Variants in HSH2D observed in about 807,000 individuals in gnomAD.
HSH2D encodes the protein hematopoietic SH2 domain containing.
Under a neutral mutation model 21.5 loss-of-function variants are expected in HSH2D, and 16 were observed. The observed-to-expected ratio is 0.74, with a 90% CI of 0.50 to 1.13. The LOEUF (loss-of-function observed/expected upper bound fraction) is 1.13, where lower values mean the gene tolerates loss of function less well. Among genes scored for constraint, HSH2D ranks in the 50% most tolerant of loss-of-function variants. The probability of loss-of-function intolerance (pLI) is 0.00; values close to 1 mark genes in which losing one functional copy is unlikely to be tolerated. For synonymous variants in HSH2D, 172 were observed against 184.7 expected, an observed-to-expected ratio of 0.93 and a Z score of 0.56; for missense variants, 418 against 441.4, an observed-to-expected ratio of 0.95 and a Z score of 0.47.
In HSH2D at chr19:16,148,837, C is replaced by T. The variant is rs970379350; in HGVS notation, c.87C>T (p.Asp29=). The T allele has an allele frequency of 8.2e-5, 133 of 1,613,452 alleles. No homozygotes were observed. Among genetic ancestry groups the T allele is most frequent in the Non-Finnish European group, 1.1e-4 (124 of 1,179,714 alleles). ...CCCAGATGGGCCAGCTGGCCCAAGACGGGGTCCCCGAGTGGTTCCATGGTG... is the reference window on the plus strand; with the variant it reads ...CCCAGATGGGCCAGCTGGCCCAAGATGGGGTCCCCGAGTGGTTCCATGGTG... ...VHTQMGQLAQ[D]GVPEWFHGAI... is the part of the protein sequence containing the mutation. Residue 29 remains aspartate, a synonymous_variant, in exon 2 of 6, where the codon GAC becomes GAT. Coordinates refer to ENST00000613986, the MANE Select transcript of HSH2D (RefSeq NM_001382417.1).
chr19:16,151,033 T>C (rs1209605256), intron 2 of HSH2D, among the ~76,000 whole-genome samples: 3 of 151,870 alleles, frequency 2.0e-5, no homozygotes, highest in East Asian at 1.9e-4. Flanking sequence ...GGTAATAATA[T>C]AGAAAATAGA....
chr19:16,153,250 G>A (rs191375374), intron 4 of HSH2D, 42 bp downstream of exon 4: 2 of 1,460,344 alleles, frequency 1.4e-6, no homozygotes, highest in Non-Finnish European at 1.8e-6. Context: ...ATTTCCTTGG[G>A]GCCAAGCCCC....
chr19:16,144,438 G>GT (rs1292428956), intron 1 of HSH2D, among the ~76,000 whole-genome samples: 1 of 151,530 alleles, frequency 6.6e-6, no homozygotes, highest in African/African-American at 2.4e-5. Context: ...GCTCTTCCAA[G>GT]TAAAAAAAAA....
intron 1 of HSH2D, among the ~76,000 whole-genome samples, chr19:16,144,182 G>C (rs1016531562): frequency 3.3e-5 from 5 of 151,998 alleles, no homozygotes; most frequent in Non-Finnish European, 7.4e-5. Context: ...CCAGCACCAG[G>C]ACACAGAAAA....
intron 4 of HSH2D, among the ~76,000 whole-genome samples, chr19:16,153,855 T>A (rs187219290): frequency 1.1e-3 from 162 of 150,624 alleles, no homozygotes; most frequent in African/African-American, 3.9e-3. Flanking sequence ...GTGGCCTAGC[T>A]CCCAATAAAC....
upstream of HSH2D, among the ~76,000 whole-genome samples, chr19:16,142,847 A>C (rs1026514828): frequency 6.6e-6 from 1 of 151,914 alleles, no homozygotes; most frequent in Non-Finnish European, 1.5e-5. Context: ...ATCTCGGCTC[A>C]CTGCAGCCTC....
intron 1 of HSH2D, among the ~76,000 whole-genome samples, chr19:16,148,251 T>C (rs7249748): frequency 0.11 from 17,099 of 151,936 alleles, 1,462 homozygotes; most frequent in African/African-American, 0.24. Flanking sequence ...CGGGTTCAAG[T>C]GATTCTCCTG....
chr19:16,157,701 C>T lies in HSH2D; in HGVS notation c.966C>T (p.Ser322=). The change falls in exon 6 of 6, where the codon TCC becomes TCT. Residue 322 remains serine (S), a synonymous_variant. Coordinates refer to ENST00000613986, the MANE Select transcript of HSH2D (RefSeq NM_001382417.1). The surrounding 1 kb of genome is among the most constrained non-coding windows in gnomAD (Gnocchi z 4.4). ...MVVRALSSQE[S]KPEHQGLAEP... is the part of the protein sequence containing the mutation. ...TGAGAGCCCTATCCTCCCAGGAGTC[C>T]AAGCCAGAGCACCAGGGCTTGGCAG... 6.2e-7 allele frequency: 1 copy of T among 1,613,252 alleles called. No individual in the cohort carries two copies. The highest frequency in any genetic ancestry group is 8.5e-7 in the Non-Finnish European group (1 of 1,179,644).
Position 16,156,011 on chromosome 19 carries a change from A to G in HSH2D, c.475-1199A>G, listed in dbSNP as rs1270288281. On this transcript the variant is annotated intron_variant, in intron 5 of 5. Coordinates refer to ENST00000613986, the MANE Select transcript of HSH2D (RefSeq NM_001382417.1). ...GGAGGAAGTGAGGTGGGGGTGGAGG[A>G]CAGTGTCAAGGTGGGAGGGACAAAA... is the stretch of plus-strand genomic sequence containing the variant. Among the ~76,000 whole-genome samples the G allele has an allele frequency of 2.0e-5, 3 of 151,892 alleles. No individual in the cohort carries two copies. The East Asian group carries it at 5.8e-4, about 29-fold the overall frequency.
intron 1 of HSH2D, among the ~76,000 whole-genome samples, chr19:16,146,345 A>T (rs1196071662): frequency 2.0e-5 from 3 of 152,156 alleles, no homozygotes; most frequent in African/African-American, 7.2e-5. Context: ...TTGGTGGCAG[A>T]AGTGACTGTC....
chr19:16,153,138 C>G lies in HSH2D; in HGVS notation c.311C>G (p.Ala104Gly), dbSNP rs983873538. Residue 104 changes from alanine (A) to glycine (G), a missense_variant, in exon 4 of 6, where the codon GCC becomes GGC. Ala to Gly is a moderately conservative substitution (Grantham distance 60, BLOSUM62 0). Coordinates refer to ENST00000613986, the MANE Select transcript of HSH2D (RefSeq NM_001382417.1). ...AAGGTGGCCCACACCTCGCTGGACG[C>G]CCTGGTCACCTTCCACCAGCAGAAG... ...GEKVAHTSLD[A>G]LVTFHQQKPI... The G allele has an allele frequency of 2.5e-6, 4 of 1,589,782 alleles. No homozygotes were observed. Among genetic ancestry groups the G allele is most frequent in the Non-Finnish European group, 3.4e-6 (4 of 1,169,088 alleles).
Position 16,148,812 on chromosome 19 carries a change from C to A in HSH2D, c.62C>A (p.Thr21Asn). The change falls in exon 2 of 6, where the codon ACC becomes AAC. Residue 21 changes from threonine (T) to asparagine (N), a missense_variant. By Grantham distance (65) the Thr-to-Asn change is moderately conservative. Coordinates refer to ENST00000613986, the MANE Select transcript of HSH2D (RefSeq NM_001382417.1). ...CCACGGCTGGACTGGTTTGTGCACA[C>A]CCAGATGGGCCAGCTGGCCCAAGAC... ...LPPRLDWFVH[T>N]QMGQLAQDGV... 1 of 1,613,892 alleles carries A rather than the reference C, an allele frequency of 6.2e-7. No individual in the cohort carries two copies. Among genetic ancestry groups the A allele is most frequent in the Non-Finnish European group, 8.5e-7 (1 of 1,179,846 alleles).
upstream of HSH2D, among the ~76,000 whole-genome samples, chr19:16,143,060 C>T (rs1294428820): frequency 6.6e-6 from 1 of 152,114 alleles, no homozygotes; most frequent in Non-Finnish European, 1.5e-5. Flanking sequence ...TGAGCCACCG[C>T]GCCCAGTTTC....
intron 2 of HSH2D, among the ~76,000 whole-genome samples, chr19:16,149,963 G>A (rs552084447): frequency 2.0e-5 from 3 of 152,202 alleles, no homozygotes; most frequent in Non-Finnish European, 4.4e-5. Context: ...AATATTTATG[G>A]CCACTCTCTG....
In HSH2D at chr19:16,152,587, G is replaced by A. The variant is rs1377257046; in HGVS notation, c.161G>A (p.Gly54Glu). 6.6e-7 allele frequency: 1 copy of A among 1,510,678 alleles called. No individual in the cohort carries two copies. Among genetic ancestry groups the A allele is most frequent in the South Asian group, 1.4e-5 (1 of 72,866 alleles). The allele number at this position is 1,510,678 out of a possible 1,614,324, so 93.6% of individuals were successfully genotyped here. A position where few individuals can be genotyped will look rare whatever the true frequency, so the allele number is the denominator to read the frequency against. The change falls in exon 3 of 6, where the codon GGA becomes GAA. Residue 54 changes from glycine (G) to glutamate (E), a missense_variant. By Grantham distance (98) the Gly-to-Glu change is moderately conservative. Coordinates refer to ENST00000613986, the MANE Select transcript of HSH2D (RefSeq NM_001382417.1). ...AACTTGCTGGAGTCACAGCCACTGGGATCCTTTCTCATCAGGGTCAGTCAC... is the reference window on the plus strand; with the variant it reads ...AACTTGCTGGAGTCACAGCCACTGGAATCCTTTCTCATCAGGGTCAGTCAC... Reference protein sequence around the residue: ...AENLLESQPLGSFLIRVSHSH... With the variant: ...AENLLESQPLESFLIRVSHSH...
At chr19:16,136,701 C>T (rs1394164451) in intron 1 of HSH2D, among the ~76,000 whole-genome samples, 4 of 152,032 alleles carry the variant, frequency 2.6e-5, no homozygotes, top group Admixed American at 1.3e-4. Context: ...TTTATTACCA[C>T]GTGTACAGTA....
At position 16,155,780 on chromosome 19, in the gene HSH2D, G is replaced by A. The variant is rs139898802; in HGVS notation, c.474+1289G>A. The A allele has an allele frequency of 7.6e-3, 1,153 of 152,524 alleles. 10 individuals carry two copies. The highest frequency in any genetic ancestry group is 0.012 in the Non-Finnish European group (840 of 68,348). The allele number at this position is 152,524 out of a possible 1,614,324, so 9.4% of individuals were successfully genotyped here. A position where few individuals can be genotyped will look rare whatever the true frequency, so the allele number is the denominator to read the frequency against. On this transcript the variant is annotated intron_variant, in intron 5 of 5. Coordinates refer to ENST00000613986, the MANE Select transcript of HSH2D (RefSeq NM_001382417.1). ...GGACTACAGGTGCGTGCTAATTTTT[G>A]TATTTTTAGTAGAGACGGGGTTTCA...
chr19:16,155,432 T>C (rs2091224397), intron 5 of HSH2D, among the ~76,000 whole-genome samples: 1 of 151,902 alleles, frequency 6.6e-6, no homozygotes, highest in Non-Finnish European at 1.5e-5. Context: ...TTGGTGTGTT[T>C]GGAAAACAGA....
At chr19:16,156,271 G>C (rs2145063256) in intron 5 of HSH2D, among the ~76,000 whole-genome samples, 1 of 152,074 alleles carries the variant, frequency 6.6e-6, no homozygotes, top group African/African-American at 2.4e-5. Flanking sequence ...GATTGCTTGA[G>C]CCTGGGAGGT....
Sources: allele counts gnomAD v4.1 joint callset (sites outside exome capture counted in the v4.1 genomes callset), GRCh38; gene constraint gnomAD v4.1.1; non-coding constraint Gnocchi (gnomAD v3.1); transcripts MANE v1.5; gene names NCBI Gene and HGNC (gene_info 2026-07-23, HGNC 2026-07-21).